KIAA1328: variants seen among roughly 807,000 people sequenced by gnomAD.
KIAA1328 encodes the protein KIAA1328, also known as protein hinderin.
In KIAA1328, 52 loss-of-function variants were observed where a neutral mutation model predicts 68.1. The ratio of observed to expected loss-of-function variants is 0.76; its 90% CI spans 0.61 to 0.96. The LOEUF (loss-of-function observed/expected upper bound fraction) is 0.96. Among genes scored for constraint, KIAA1328 ranks in the 40% least tolerant of loss-of-function variants. The probability of loss-of-function intolerance (pLI) is 0.00; values close to 1 mark genes in which losing one functional copy is unlikely to be tolerated. For missense variants in KIAA1328, 641 were observed against 677.6 expected (o/e 0.95, Z 0.60); for synonymous variants, 232 against 239.4 (o/e 0.97, Z 0.28).
intron 5 of KIAA1328, among the ~76,000 whole-genome samples, chr18:36,953,227 AATT>A (rs1046357362): frequency 2.0e-4 from 30 of 147,760 alleles, no homozygotes; most frequent in Non-Finnish European, 3.1e-4. Flanking sequence ...ATAATTATTA[AATT>A]ATTATATTTA....
Position 37,222,908 on chromosome 18 carries a change from T to C in KIAA1328, c.*681T>C. ...AGCACTAAATCACATCAGGGAGTGA[T>C]TAGTCCTGGGGAAATTCAGTGGAGG... On this transcript the variant is annotated 3_prime_UTR_variant, in exon 10 of 10. Transcript: ENST00000280020. The C allele has an allele frequency of 1.0e-6, 1 of 986,128 alleles. No individual in the cohort carries two copies. Among genetic ancestry groups the C allele is most frequent in the Non-Finnish European group, 1.2e-6 (1 of 830,618 alleles). 61.1% of individuals were successfully genotyped at this position (986,128 alleles called of 1,614,324 possible).
chr18:36,900,347 A>G (rs2048997553), intron 5 of KIAA1328, among the ~76,000 whole-genome samples: 1 of 151,910 alleles, frequency 6.6e-6, no homozygotes, highest in Admixed American at 6.6e-5. Flanking sequence ...CATGATGGTA[A>G]TGCCCCTAGA....
At chr18:37,048,321 A>G (rs1476076003) in intron 6 of KIAA1328, among the ~76,000 whole-genome samples, 1 of 152,210 alleles carries the variant, frequency 6.6e-6, no homozygotes, top group African/African-American at 2.4e-5. Flanking sequence ...AGATTTCCAT[A>G]AATCTCTCTT....
chr18:37,200,607 C>G (rs568343779), intron 9 of KIAA1328, among the ~76,000 whole-genome samples: 4 of 151,450 alleles, frequency 2.6e-5, no homozygotes, highest in Non-Finnish European at 5.9e-5. Flanking sequence ...GTCAGGAGAT[C>G]GAGACCATCC....
intron 5 of KIAA1328, among the ~76,000 whole-genome samples, chr18:36,947,226 T>C (rs1273955225): frequency 1.3e-5 from 2 of 152,112 alleles, no homozygotes; most frequent in East Asian, 1.9e-4. Flanking sequence ...GAGACAAATA[T>C]AGGAATGTTG....
chr18:37,014,634 C>T (rs555200513), intron 6 of KIAA1328, among the ~76,000 whole-genome samples: 1 of 152,226 alleles, frequency 6.6e-6, no homozygotes, highest in African/African-American at 2.4e-5. Context: ...GAAGCAGGCA[C>T]ATCTTAAATG....
chr18:36,962,237 A>G (rs942552795), intron 6 of KIAA1328, among the ~76,000 whole-genome samples: 1 of 152,238 alleles, frequency 6.6e-6, no homozygotes, highest in East Asian at 1.9e-4. Context: ...CCATTATATA[A>G]TGGTAAAGAG....
chr18:36,925,542 CTT>C (rs796763918), intron 5 of KIAA1328, among the ~76,000 whole-genome samples: 1 of 144,770 alleles, frequency 6.9e-6, no homozygotes. Context: ...AAATTTGGTT[CTT>C]TTTTTTTTTT....
chr18:36,940,760 C>T (rs2050680434), intron 5 of KIAA1328, among the ~76,000 whole-genome samples: 1 of 150,220 alleles, frequency 6.7e-6, no homozygotes, highest in Non-Finnish European at 1.5e-5. Flanking sequence ...ACTGCAACCT[C>T]TGCCTCCCGG....
chr18:36,945,080 A>ACAAC (rs1221141340), intron 5 of KIAA1328, among the ~76,000 whole-genome samples: 1 of 152,148 alleles, frequency 6.6e-6, no homozygotes, highest in Admixed American at 6.5e-5. Flanking sequence ...TGGCTCAGGG[A>ACAAC]TTGTTCTTTT....
In KIAA1328 at chr18:37,153,767, G is replaced by A. The variant is rs187065620; in HGVS notation, c.1233-6433G>A. 3.7e-3 allele frequency among the ~76,000 whole-genome samples: 554 copies of A among 148,884 alleles called. 3 individuals carry two copies. The highest frequency in any genetic ancestry group is 0.011 in the South Asian group (50 of 4,708). On this transcript the variant is annotated intron_variant, in intron 7 of 9. Coordinates refer to ENST00000280020, the MANE Select transcript of KIAA1328 (RefSeq NM_020776.3). ...TGGCCAGCACCTGAATCAGGCCACTGGAAGTGAACGGAGGAATTAAGAGGT... is the reference window on the plus strand; with the variant it reads ...TGGCCAGCACCTGAATCAGGCCACTAGAAGTGAACGGAGGAATTAAGAGGT...
chr18:36,876,287 G>T (rs1200386397), intron 4 of KIAA1328, among the ~76,000 whole-genome samples: 1 of 152,010 alleles, frequency 6.6e-6, no homozygotes, highest in East Asian at 1.9e-4. Context: ...CTGTCAATCA[G>T]TCTGGTCCTG....
At chr18:36,926,635 T>C (rs1044054898) in intron 5 of KIAA1328, among the ~76,000 whole-genome samples, 2 of 152,184 alleles carry the variant, frequency 1.3e-5, no homozygotes, top group African/African-American at 4.8e-5. Flanking sequence ...AAGATAGGTA[T>C]TAAGGTCCAC....
chr18:36,858,782 G>A (rs1379242820), intron 4 of KIAA1328, among the ~76,000 whole-genome samples: 1 of 152,152 alleles, frequency 6.6e-6, no homozygotes, highest in Non-Finnish European at 1.5e-5. Flanking sequence ...TTCCACAGAG[G>A]TGAAGTGCCC....
chr18:37,183,650 A>G (rs1002737694), intron 9 of KIAA1328, among the ~76,000 whole-genome samples: 4 of 152,232 alleles, frequency 2.6e-5, no homozygotes, highest in African/African-American at 9.6e-5. Flanking sequence ...GCCTGCAGTG[A>G]AAAAACTAAG....
chr18:36,891,336 A>C (rs1041287592), intron 5 of KIAA1328, among the ~76,000 whole-genome samples: 47 of 152,330 alleles, frequency 3.1e-4, no homozygotes, highest in African/African-American at 1.0e-3. Flanking sequence ...TTTGAGGTAC[A>C]AGTGGCTTTT....
At chr18:36,916,304 A>T (rs2049697858) in intron 5 of KIAA1328, among the ~76,000 whole-genome samples, 1 of 152,064 alleles carries the variant, frequency 6.6e-6, no homozygotes, top group African/African-American at 2.4e-5. Flanking sequence ...TAGATGATGC[A>T]TATTGATCTG....
chr18:37,136,457 T>G (rs756608942), intron 7 of KIAA1328, among the ~76,000 whole-genome samples: 23 of 152,262 alleles, frequency 1.5e-4, no homozygotes, highest in Non-Finnish European at 2.6e-4. Flanking sequence ...AATTAAAATA[T>G]GGATTATAAA....
At position 36,865,043 on chromosome 18, in the gene KIAA1328, AT is replaced by A. The variant is rs917580573; in HGVS notation, c.333-20506del. ...CTATTTTTTGTTCTCTATTTCATTGATTTTTTTTCACTCTTATCTCTATTAT... is the reference window on the plus strand; with the variant it reads ...CTATTTTTTGTTCTCTATTTCATTGATTTTTTTCACTCTTATCTCTATTAT... On this transcript the variant is annotated intron_variant, in intron 4 of 9. Transcript: ENST00000280020. 9.3e-5 allele frequency among the ~76,000 whole-genome samples: 13 copies of A among 139,574 alleles called. No homozygotes were observed. In the South Asian group the frequency reaches 1.5e-3, roughly 17 times the overall value. 91.6% of individuals were successfully genotyped at this position (139,574 alleles called of 152,430 possible). A position where few individuals can be genotyped will look rare whatever the true frequency, so the allele number is the denominator to read the frequency against.
Sources: gnomAD v4.1 joint callset for allele counts (sites outside exome capture counted in the v4.1 genomes callset) on GRCh38, gnomAD v4.1.1 for gene constraint, MANE v1.5 for transcripts, NCBI Gene and HGNC (gene_info 2026-07-23, HGNC 2026-07-21) for gene names.